ASIC2: variants seen among roughly 807,000 people sequenced by gnomAD.
ASIC2 encodes the protein acid-sensing ion channel 2.
ASIC2 carries 25 observed loss-of-function variants against 57.3 expected under a neutral mutation model. That is an observed-to-expected ratio of 0.44 (90% CI 0.32 to 0.61). ASIC2 has a LOEUF of 0.61. ASIC2 is among the 20% of genes least tolerant of loss of function. ASIC2 has a pLI of 0.06. For missense variants in ASIC2, 641 were observed against 738.1 expected, an observed-to-expected ratio of 0.87 and a Z score of 1.52; for synonymous variants, 319 against 307.5, an observed-to-expected ratio of 1.04 and a Z score of -0.39.
chr17:33,601,376 T>G (rs372862249), intron 1 of ASIC2, among the ~76,000 whole-genome samples: 37 of 152,198 alleles, frequency 2.4e-4, no homozygotes, highest in Non-Finnish European at 4.6e-4. Context: ...CAGCATTCAC[T>G]GCCCTGCACC....
intron 1 of ASIC2, among the ~76,000 whole-genome samples, chr17:33,654,865 A>C (rs921361593): frequency 6.6e-5 from 10 of 152,208 alleles, no homozygotes; most frequent in Non-Finnish European, 1.3e-4. Flanking sequence ...ACCATGGCTC[A>C]TGCCTATAAA....
At chr17:33,833,824 G>A (rs1000151122) in intron 1 of ASIC2, 1 of 152,280 alleles carries the variant, frequency 6.6e-6, no homozygotes, top group African/African-American at 2.4e-5. Context: ...GGTGGCCAAA[G>A]TGGGAGGATC....
chr17:33,793,307 CTG>C (rs1911823336), intron 1 of ASIC2: 1 of 152,198 alleles, frequency 6.6e-6, no homozygotes. Context: ...AAAACTTAAT[CTG>C]TGTTATTTTA....
intron 1 of ASIC2, among the ~76,000 whole-genome samples, chr17:33,326,337 T>C (rs1907078352): frequency 6.6e-6 from 1 of 152,226 alleles, no homozygotes; most frequent in Non-Finnish European, 1.5e-5. Flanking sequence ...CTCTGGGCTC[T>C]GTGACCACCA....
intron 1 of ASIC2, among the ~76,000 whole-genome samples, chr17:33,158,691 C>A (rs1108306): frequency 0.26 from 39,379 of 152,188 alleles, 5,233 homozygotes; most frequent in East Asian, 0.4. Context: ...TACTTGTCAC[C>A]CATGAGTGAC....
chr17:33,400,540 T>C (rs1910245124), intron 1 of ASIC2, among the ~76,000 whole-genome samples: 1 of 152,176 alleles, frequency 6.6e-6, no homozygotes, highest in Non-Finnish European at 1.5e-5. Flanking sequence ...GTATACCTGA[T>C]AATAGGGAGA....
intron 1 of ASIC2, among the ~76,000 whole-genome samples, chr17:33,198,899 C>A (rs7502055): frequency 0.099 from 15,013 of 152,216 alleles, 936 homozygotes; most frequent in Admixed American, 0.15. Flanking sequence ...TGTCATTAAC[C>A]GTCCTGCTTG....
At chr17:33,854,498 T>A (rs1426668865) in intron 1 of ASIC2, among the ~76,000 whole-genome samples, 1 of 152,238 alleles carries the variant, frequency 6.6e-6, no homozygotes, top group African/African-American at 2.4e-5. Context: ...GTGATGAATA[T>A]ACTTGCTTGG....
chr17:33,551,332 CA>C (rs66673238), intron 1 of ASIC2, among the ~76,000 whole-genome samples: 1,534 of 152,186 alleles, frequency 0.01, 28 homozygotes, highest in African/African-American at 0.035. Flanking sequence ...GATGAGGTTG[CA>C]GCCAGAGGTC....
In ASIC2 at chr17:33,470,220, G is replaced by A. The variant is rs183931191; in HGVS notation, c.556-358153C>T. 1.2e-4 allele frequency among the ~76,000 whole-genome samples: 19 copies of A among 152,274 alleles called. No individual in the cohort carries two copies. In the East Asian group the frequency reaches 2.9e-3, roughly 23 times the overall value. On this transcript the variant is annotated intron_variant, in intron 1 of 9. Coordinates refer to the ASIC2 transcript ENST00000359872. ...AGCCAGGACACCATAAACTGTGGGC[G>A]TGGGTCTTAAACCAATGGACAAGTC...
At position 33,464,472 on chromosome 17, in the gene ASIC2, TTTCTTTTCTCTC is replaced by T. The variant is rs1567620838; in HGVS notation, c.556-352417_556-352406del. Among the ~76,000 whole-genome samples, 4 of 86,672 alleles carry T rather than the reference TTTCTTTTCTCTC, an allele frequency of 4.6e-5. No individual in the cohort carries two copies. In the East Asian group the frequency reaches 1.2e-3, roughly 25 times the overall value. 56.9% of individuals were successfully genotyped at this position (86,672 alleles called of 152,430 possible). A position where few individuals can be genotyped will look rare whatever the true frequency, so the allele number is the denominator to read the frequency against. Reference sequence around the variant, plus strand: ...GCCTCTTTTTCTCTTTCTTTCTTTCTTTCTTTTCTCTCTTTCTTTCTTTCTTTCTTTCTTTCT... The same window carrying T: ...GCCTCTTTTTCTCTTTCTTTCTTTCTTTTCTTTCTTTCTTTCTTTCTTTCT... On this transcript the variant is annotated intron_variant, in intron 1 of 9. Coordinates refer to the ASIC2 transcript ENST00000359872.
intron 1 of ASIC2, among the ~76,000 whole-genome samples, chr17:33,590,786 C>A (rs1406096863): frequency 6.6e-6 from 1 of 152,220 alleles, no homozygotes; most frequent in African/African-American, 2.4e-5. Flanking sequence ...AGCCAGGCTG[C>A]CGTTTTCACT....
chr17:34,085,439 C>G (rs1200639974), intron 1 of ASIC2, among the ~76,000 whole-genome samples: 1 of 152,190 alleles, frequency 6.6e-6, no homozygotes, highest in African/African-American at 2.4e-5. Flanking sequence ...ATTCGGTTTG[C>G]CAGTATTTTA....
At position 33,607,136 on chromosome 17, in the gene ASIC2, C is replaced by G. The variant is rs546308914; in HGVS notation, c.556-495069G>C. 2.0e-5 allele frequency among the ~76,000 whole-genome samples: 3 copies of G among 152,192 alleles called. No homozygotes were observed. In the South Asian group the frequency reaches 6.2e-4, roughly 32 times the overall value. ...TCGGGAGGAGCATTAATTAGGATCA[C>G]AGGACCCAGGGGCATGGAACAGCCT... On this transcript the variant is annotated intron_variant, in intron 1 of 9. Transcript: ENST00000359872.
At chr17:33,301,840 A>G (rs1905971272) in intron 1 of ASIC2, among the ~76,000 whole-genome samples, 1 of 152,118 alleles carries the variant, frequency 6.6e-6, no homozygotes, top group South Asian at 2.1e-4. Context: ...TTCTCCATTC[A>G]TTCCCATGTT....
chr17:33,331,897 T>G (rs1313765684), intron 1 of ASIC2, among the ~76,000 whole-genome samples: 2 of 152,188 alleles, frequency 1.3e-5, no homozygotes, highest in Non-Finnish European at 2.9e-5. Flanking sequence ...GGACAAAACT[T>G]TCTTAACATT....
chr17:33,570,873 G>A (rs1442157958), intron 1 of ASIC2, among the ~76,000 whole-genome samples: 1 of 152,058 alleles, frequency 6.6e-6, no homozygotes, highest in Non-Finnish European at 1.5e-5. Context: ...GTGGCAGGCT[G>A]GGAGTTCCAG....
chr17:33,051,975 A>C (rs922792205), intron 3 of ASIC2: 2 of 152,216 alleles, frequency 1.3e-5, no homozygotes, highest in African/African-American at 4.8e-5. Flanking sequence ...TTTACGAATC[A>C]TTAGCTACTT....
intron 1 of ASIC2, among the ~76,000 whole-genome samples, chr17:33,208,405 G>A (rs550437544): frequency 2.6e-5 from 4 of 152,162 alleles, no homozygotes; most frequent in South Asian, 4.2e-4. Flanking sequence ...TCCCAGACTC[G>A]GTGCCGCAGT....
Sources: allele counts gnomAD v4.1 joint callset (sites outside exome capture counted in the v4.1 genomes callset), GRCh38; gene constraint gnomAD v4.1.1; transcripts MANE v1.5; gene names NCBI Gene and HGNC (gene_info 2026-07-23, HGNC 2026-07-21).